Variants in PGAP1 observed in about 807,000 individuals in gnomAD.
PGAP1 encodes the protein post-GPI attachment to proteins inositol deacylase 1.
In PGAP1, 76 loss-of-function variants were observed where a neutral mutation model predicts 127.0. The ratio of observed to expected loss-of-function variants is 0.60; its 90% CI spans 0.50 to 0.72. The LOEUF (loss-of-function observed/expected upper bound fraction) is 0.72. Among genes scored for constraint, PGAP1 ranks in the 30% least tolerant of loss-of-function variants. PGAP1 has a pLI of 0.00. For missense variants in PGAP1, 982 were observed against 1,071.3 expected (o/e 0.92, Z 1.16); for synonymous variants, 362 against 366.5 (o/e 0.99, Z 0.14).
intron 20 of PGAP1, among the ~76,000 whole-genome samples, chr2:196,859,751 T>C (rs761811709): frequency 1.1e-4 from 17 of 152,062 alleles, no homozygotes; most frequent in Non-Finnish European, 2.2e-4. Flanking sequence ...ACAAATGGAA[T>C]CGAGAAGTAT....
chr2:196,904,642 C>T (rs548969447), intron 4 of PGAP1, among the ~76,000 whole-genome samples: 19 of 152,084 alleles, frequency 1.2e-4, no homozygotes, highest in African/African-American at 4.1e-4. Context: ...GCAGGAGAAT[C>T]GCTTGAACCC....
chr2:196,857,664 AG>A (rs1341347860), intron 20 of PGAP1, among the ~76,000 whole-genome samples: 1 of 152,224 alleles, frequency 6.6e-6, no homozygotes, highest in African/African-American at 2.4e-5. Flanking sequence ...AATAGAGCTG[AG>A]GAAGGCTAAG....
At chr2:196,898,546 T>G (rs1357378197) in intron 5 of PGAP1, among the ~76,000 whole-genome samples, 177 bp from the exon 6 acceptor site, 2 of 152,210 alleles carry the variant, frequency 1.3e-5, no homozygotes, top group East Asian at 3.9e-4. Flanking sequence ...TAGAATTTTC[T>G]GTATAAATTT....
chr2:196,861,263 G>A (rs1701054849), intron 20 of PGAP1, among the ~76,000 whole-genome samples: 3 of 152,112 alleles, frequency 2.0e-5, no homozygotes, highest in Non-Finnish European at 2.9e-5. Flanking sequence ...TGGGACACTG[G>A]TCTGGGCAAA....
chr2:196,870,923 G>A lies in PGAP1; in HGVS notation c.1767+18C>T. 6.3e-7 allele frequency: 1 copy of A among 1,597,426 alleles called. No individual in the cohort carries two copies. The highest frequency in any genetic ancestry group is 1.1e-5 in the South Asian group (1 of 90,356). ...TCATAAAGCAGTAAATAATCAACCA[G>A]CCAGGAATCTCTCTTACCTGTCCAA... On this transcript the variant is annotated intron_variant, in intron 19 of 26. Transcript: ENST00000354764.
intron 19 of PGAP1, among the ~76,000 whole-genome samples, chr2:196,869,459 C>T (rs1437197854): frequency 1.3e-5 from 2 of 152,108 alleles, no homozygotes; most frequent in African/African-American, 4.8e-5. Context: ...CTCAGCCTCC[C>T]CAGTAGCTGG....
intron 3 of PGAP1, among the ~76,000 whole-genome samples, chr2:196,914,992 T>TA (rs1386086063): frequency 3.9e-5 from 6 of 152,012 alleles, no homozygotes; most frequent in African/African-American, 9.7e-5. Flanking sequence ...AATATATATA[T>TA]TTTTTTGTAG....
chr2:196,845,641 GATT>G, intron 23 of PGAP1, among the ~76,000 whole-genome samples: 1 of 150,816 alleles, frequency 6.6e-6, no homozygotes, highest in South Asian at 2.1e-4. Context: ...AGCAGAAACA[GATT>G]ATATCTTCTC....
chr2:196,849,755 A>G (rs1466945877), intron 20 of PGAP1, among the ~76,000 whole-genome samples: 1 of 152,116 alleles, frequency 6.6e-6, no homozygotes, highest in Non-Finnish European at 1.5e-5. Context: ...GGATTTATGG[A>G]CTGCTGCTTT....
At chr2:196,846,295 T>C (rs1238969352) in intron 22 of PGAP1, among the ~76,000 whole-genome samples, 1 of 152,188 alleles carries the variant, frequency 6.6e-6, no homozygotes, top group Admixed American at 6.5e-5. Context: ...TCATTAATTA[T>C]ACACTCTGTG....
At chr2:196,923,700 G>A (rs533008697) in intron 1 of PGAP1, among the ~76,000 whole-genome samples, 26 of 141,124 alleles carry the variant, frequency 1.8e-4, no homozygotes, top group Non-Finnish European at 3.3e-4. Context: ...TCTCACTGTC[G>A]CCCCGCCTGG....
At chr2:196,888,173 T>C (rs1037752749) in intron 10 of PGAP1, among the ~76,000 whole-genome samples, 2 of 152,098 alleles carry the variant, frequency 1.3e-5, no homozygotes, top group African/African-American at 2.4e-5. Context: ...ACCTTAGAAG[T>C]TATTCAAGGA....
intron 4 of PGAP1, 75 bp downstream of exon 4, chr2:196,912,807 G>A: frequency 2.2e-6 from 3 of 1,374,360 alleles, no homozygotes. Flanking sequence ...TACTCCTAGG[G>A]GAATAGCCAC....
intron 4 of PGAP1, 51 bp downstream of exon 4, chr2:196,912,831 T>C (rs1462234561): frequency 6.8e-7 from 1 of 1,475,516 alleles, no homozygotes; most frequent in East Asian, 2.3e-5. Context: ...GATTGATTTA[T>C]TTAATCTTAA....
At chr2:196,871,061 A>ATCTT in intron 18 of PGAP1, 82 bp from the exon 19 acceptor site, 1 of 905,340 alleles carries the variant, frequency 1.1e-6, no homozygotes, top group Non-Finnish European at 1.7e-6. Context: ...ACTTATGCAT[A>ATCTT]TCTCTAAGCA....
At chr2:196,873,921 A>T (rs1299106655) in intron 14 of PGAP1, 163 bp from the exon 15 acceptor site, 4 of 528,908 alleles carry the variant, frequency 7.6e-6, no homozygotes, top group Admixed American at 3.4e-5. Flanking sequence ...TCCCAGCAAT[A>T]AACTCTAGAC....
intron 20 of PGAP1, among the ~76,000 whole-genome samples, chr2:196,864,415 A>AC (rs1188656265): frequency 5.6e-4 from 83 of 149,410 alleles, no homozygotes; most frequent in African/African-American, 2.1e-3. Context: ...AAAAAAAAAA[A>AC]GGCATTTGAT....
intron 20 of PGAP1, among the ~76,000 whole-genome samples, chr2:196,850,352 C>G (rs1407766995): frequency 6.6e-6 from 1 of 152,176 alleles, no homozygotes; most frequent in Admixed American, 6.5e-5. Context: ...TCAAATATTA[C>G]AGTAAATGCC....
rs6708677 is a variant in PGAP1, at chr2:196,873,276, T to C, written c.1553-250A>G. ...TACTAAATAACTAAATCTGAATTACTACTATAAGACATAAAGATATATGGC... is the reference window on the plus strand; with the variant it reads ...TACTAAATAACTAAATCTGAATTACCACTATAAGACATAAAGATATATGGC... On this transcript the variant is annotated intron_variant, in intron 16 of 26. Coordinates refer to ENST00000354764, the MANE Select transcript of PGAP1 (RefSeq NM_024989.4). Among the ~76,000 whole-genome samples the C allele has an allele frequency of 0.1, 15,540 of 152,086 alleles. 964 individuals are homozygous for C. The highest frequency in any genetic ancestry group is 0.17 in the African/African-American group (7,168 of 41,528).
Sources: allele counts gnomAD v4.1 joint callset (sites outside exome capture counted in the v4.1 genomes callset), GRCh38; gene constraint gnomAD v4.1.1; transcripts MANE v1.5; gene names NCBI Gene and HGNC (gene_info 2026-07-23, HGNC 2026-07-21).